The following KIF13A variants were observed in gnomAD, a reference collection of about 807,000 sequenced individuals.
KIF13A encodes the protein kinesin-like protein KIF13A.
A neutral mutation model predicts 212.2 loss-of-function variants in KIF13A; 79 were observed. The ratio of observed to expected loss-of-function variants is 0.37; its 90% CI spans 0.31 to 0.45. The LOEUF (loss-of-function observed/expected upper bound fraction) is 0.45. Among genes scored for constraint, KIF13A ranks in the 20% least tolerant of loss-of-function variants. KIF13A has a pLI of 1.00. For missense variants in KIF13A, 1,901 were observed against 2,209.0 expected (o/e 0.86, Z 2.79); for synonymous variants, 789 against 808.6 (o/e 0.98, Z 0.41).
chr6:17,799,817 C>T lies in KIF13A; in HGVS notation c.2616+135G>A, dbSNP rs1762335583. 1.2e-6 allele frequency: 1 copy of T among 857,386 alleles called. No individual in the cohort carries two copies. Among genetic ancestry groups the T allele is most frequent in the Admixed American group, 2.4e-5 (1 of 42,338 alleles). 53.1% of individuals were successfully genotyped at this position (857,386 alleles called of 1,614,324 possible). A position where few individuals can be genotyped will look rare whatever the true frequency, so the allele number is the denominator to read the frequency against. On this transcript the variant is annotated intron_variant, in intron 21 of 38. Coordinates refer to ENST00000259711, the MANE Select transcript of KIF13A (RefSeq NM_022113.6). This position sits in a 1 kb window ranked among gnomAD's most constrained non-coding sequence, Gnocchi z 4.4. ...GTGCTATATTTCTGAAAACAAAGTA[C>T]TGTCCACCACTGTATCTGCTGTTAC...
At chr6:17,922,179 C>T (rs540703856) in intron 2 of KIF13A, among the ~76,000 whole-genome samples, 3 of 152,308 alleles carry the variant, frequency 2.0e-5, no homozygotes, top group South Asian at 4.1e-4. Context: ...CTCAGGTCAA[C>T]AGCTAACAGC....
Position 17,780,784 on chromosome 6 carries a change from A to T in KIF13A, c.3792T>A (p.Ala1264=). 1 of 1,614,054 alleles carries T rather than the reference A, an allele frequency of 6.2e-7. No individual in the cohort carries two copies. Among genetic ancestry groups the T allele is most frequent in the Non-Finnish European group, 8.5e-7 (1 of 1,179,890 alleles). The change falls in exon 31 of 39, where the codon GCT becomes GCA. Residue 1264 remains alanine (A), a synonymous_variant. Transcript: ENST00000259711. ...GTTTTCGTAATACTAACTCCATAGC[A>T]GCAGGGTGGCTGAGTTGAACTGTGG... ...VKTTVQLSHP[A]AMELVLRKRI... is the part of the protein sequence containing the mutation.
In KIF13A at chr6:17,883,366, TA is replaced by T. The variant is rs897879538; in HGVS notation, c.160-9930del. Among the ~76,000 whole-genome samples, 1 of 150,976 alleles carries T rather than the reference TA, an allele frequency of 6.6e-6. No homozygotes were observed. The highest frequency in any genetic ancestry group is 2.4e-5 in the African/African-American group (1 of 41,082). Reference sequence around the variant, plus strand: ...TCTCTAAAAAATAAAATAAAAATAATAAAAAAAAATAAGGCAACTTCCTGGT... The same window carrying T: ...TCTCTAAAAAATAAAATAAAAATAATAAAAAAAATAAGGCAACTTCCTGGT... On this transcript the variant is annotated intron_variant, in intron 3 of 38. Coordinates refer to ENST00000259711, the MANE Select transcript of KIF13A (RefSeq NM_022113.6). This position sits in a 1 kb window ranked among gnomAD's most constrained non-coding sequence, Gnocchi z 4.8.
intron 38 of KIF13A, among the ~76,000 whole-genome samples, chr6:17,770,164 T>C (rs1279420959): frequency 2.0e-5 from 3 of 151,604 alleles, no homozygotes; most frequent in Admixed American, 2.0e-4. Flanking sequence ...GAATTGGGAA[T>C]GGGTCTGACA....
At chr6:17,876,281 G>A (rs903507205) in intron 3 of KIF13A, among the ~76,000 whole-genome samples, 1 of 152,084 alleles carries the variant, frequency 6.6e-6, no homozygotes, top group African/African-American at 2.4e-5. Context: ...CAGAACCCAT[G>A]CTCTTTGGCC....
intron 4 of KIF13A, among the ~76,000 whole-genome samples, chr6:17,869,842 G>A (rs1053384009): frequency 6.6e-6 from 1 of 152,148 alleles, no homozygotes. Flanking sequence ...CCCCAGTTTT[G>A]AGAGCGGCTT....
intron 22 of KIF13A, among the ~76,000 whole-genome samples, chr6:17,797,666 C>CA (rs1762160040): frequency 1.3e-5 from 2 of 152,136 alleles, no homozygotes; most frequent in African/African-American, 4.8e-5. Flanking sequence ...GAGGCCAAGG[C>CA]AGGAGGATAG....
chr6:17,814,344 G>A (rs1763729237), intron 17 of KIF13A, among the ~76,000 whole-genome samples: 1 of 150,200 alleles, frequency 6.7e-6, no homozygotes, highest in African/African-American at 2.5e-5. Context: ...TGCCTCCCGG[G>A]TTCAAGCAAT....
chr6:17,777,310 A>C lies in KIF13A; in HGVS notation c.4137T>G (p.Ile1379Met). Reference protein sequence around the residue: ...KEALSTKARHIRRSLSTPNVH... With the variant: ...KEALSTKARHMRRSLSTPNVH... ...CATTTGGTGTACTGAGGCTCCTCCG[A>C]ATGTGCCGGGCTTTGGTGGAAAGTG... The change falls in exon 34 of 39, where the codon ATT becomes ATG. Residue 1379 changes from isoleucine to methionine, a missense_variant. Around this residue, in one of 5 missense-constraint regions of KIF13A, gnomAD observed 687 missense variants for 759.1 expected, o/e 0.90. Transcript: ENST00000259711. The surrounding 1 kb of genome is among the most constrained non-coding windows in gnomAD (Gnocchi z 4.4). 1 of 1,613,546 alleles carries C rather than the reference A, an allele frequency of 6.2e-7. No homozygotes were observed. Among genetic ancestry groups the C allele is most frequent in the East Asian group, 2.2e-5 (1 of 44,880 alleles).
intron 4 of KIF13A, among the ~76,000 whole-genome samples, chr6:17,866,828 CATATATATATATATATATATAT>C (rs60217235): frequency 1.3e-4 from 3 of 22,936 alleles, no homozygotes; most frequent in African/African-American, 1.7e-4. Flanking sequence ...AAAAGCAGCG[CATATATATATATATATATATAT>C]ATATATATAT....
chr6:17,772,625 T>G lies in KIF13A; in HGVS notation c.4325-566A>C, dbSNP rs549294378. 6.6e-6 allele frequency among the ~76,000 whole-genome samples: 1 copy of G among 152,366 alleles called. No individual in the cohort carries two copies. Among genetic ancestry groups the G allele is most frequent in the African/African-American group, 2.4e-5 (1 of 41,590 alleles). ...CACCACTAACCAGACCAATTTCAGC[T>G]CACGCTGATTTTCCATTCCTCTGAA... On this transcript the variant is annotated intron_variant, in intron 36 of 38. Transcript: ENST00000259711. The surrounding 1 kb of genome is among the most constrained non-coding windows in gnomAD (Gnocchi z 4.8).
intron 2 of KIF13A, among the ~76,000 whole-genome samples, chr6:17,955,143 A>T (rs1225639650): frequency 6.6e-6 from 1 of 152,160 alleles, no homozygotes; most frequent in African/African-American, 2.4e-5. Flanking sequence ...AAGTATTACT[A>T]TACATGTCTT....
Position 17,796,720 on chromosome 6 carries a change from G to A in KIF13A, c.2891C>T (p.Ser964Phe). The A allele has an allele frequency of 1.3e-6, 2 of 1,592,558 alleles. No individual in the cohort carries two copies. The highest frequency in any genetic ancestry group is 1.7e-6 in the Non-Finnish European group (2 of 1,168,650). ...ATGAAGAGAATCGACCTCCCAGATGGAGCTGCCATTTCCAGCACACCGGTG... is the reference window on the plus strand; with the variant it reads ...ATGAAGAGAATCGACCTCCCAGATGAAGCTGCCATTTCCAGCACACCGGTG... ...WGHRCAGNGS[S>F]IWEVDSLHAK... is the part of the protein sequence containing the mutation. Residue 964 changes from serine (S) to phenylalanine (F), a missense_variant, in exon 23 of 39, where the codon TCC (serine) becomes TTC (phenylalanine). Transcript: ENST00000259711.
At chr6:17,800,888 C>G (rs540539672) in intron 20 of KIF13A, among the ~76,000 whole-genome samples, 1 of 152,018 alleles carries the variant, frequency 6.6e-6, no homozygotes, top group African/African-American at 2.4e-5. Flanking sequence ...CATAAGCCAC[C>G]GTGTCCGGCC....
In KIF13A at chr6:17,898,543, T is replaced by A. The variant is rs1176454787; in HGVS notation, c.147-363A>T. Reference sequence around the variant, plus strand: ...CTTACTGCATGTGATTAAATATTTTTAAATCAATTTTTATATTTAAATTTT... The same window carrying A: ...CTTACTGCATGTGATTAAATATTTTAAAATCAATTTTTATATTTAAATTTT... On this transcript the variant is annotated intron_variant, in intron 2 of 38. Coordinates refer to ENST00000259711, the MANE Select transcript of KIF13A (RefSeq NM_022113.6). The surrounding 1 kb of genome is among the most constrained non-coding windows in gnomAD (Gnocchi z 5.2). Among the ~76,000 whole-genome samples, 1 of 152,234 alleles carries A rather than the reference T, an allele frequency of 6.6e-6. No homozygotes were observed. The highest frequency in any genetic ancestry group is 1.9e-4 in the East Asian group (1 of 5,196).
intron 2 of KIF13A, among the ~76,000 whole-genome samples, chr6:17,974,185 G>A (rs756127638): frequency 1.3e-5 from 2 of 152,146 alleles, no homozygotes; most frequent in Non-Finnish European, 2.9e-5. Context: ...GGGTTCAAGC[G>A]ATTCTCCTAC....
chr6:17,905,039 C>T lies in KIF13A; in HGVS notation c.147-6859G>A, dbSNP rs561902882. 1.1e-4 allele frequency among the ~76,000 whole-genome samples: 16 copies of T among 152,350 alleles called. 1 individual carries two copies. The East Asian group carries it at 2.9e-3, about 28-fold the overall frequency. On this transcript the variant is annotated intron_variant, in intron 2 of 38. Transcript: ENST00000259711. ...TCAAACTTGCCCAACCCGTGGCCTA[C>T]GGGCCTCATGGGGCCCAGGACGGCT...
At chr6:17,805,425 T>C in intron 19 of KIF13A, 50 bp downstream of exon 19, 1 of 1,473,878 alleles carries the variant, frequency 6.8e-7, no homozygotes, top group Non-Finnish European at 9.4e-7. Flanking sequence ...ATCGCTTATA[T>C]TCTCTGTTTT....
chr6:17,902,940 T>C (rs1773176681), intron 2 of KIF13A, among the ~76,000 whole-genome samples: 2 of 152,218 alleles, frequency 1.3e-5, no homozygotes, highest in African/African-American at 4.8e-5. Context: ...GAGTTAAACA[T>C]AATCCAGTTG....
Sources: allele counts gnomAD v4.1 joint callset (sites outside exome capture counted in the v4.1 genomes callset), GRCh38; gene constraint gnomAD v4.1.1; regional missense constraint gnomAD v4.1.1; non-coding constraint Gnocchi (gnomAD v3.1); transcripts MANE v1.5; gene names NCBI Gene and HGNC (gene_info 2026-07-23, HGNC 2026-07-21).